The following RUNX1T1 variants were observed in gnomAD, a reference collection of about 807,000 sequenced individuals.
RUNX1T1 encodes the protein protein CBFA2T1.
In RUNX1T1, 4 loss-of-function variants were observed where a neutral mutation model predicts 62.8. That is an observed-to-expected ratio of 0.06 (90% CI 0.03 to 0.15). RUNX1T1 has a LOEUF of 0.15. RUNX1T1 is among the 10% of genes least tolerant of loss of function. The pLI is 1.00. For missense variants in RUNX1T1, 508 were observed against 754.3 expected (o/e 0.67, Z 3.82); for synonymous variants, 291 against 286.0 (o/e 1.02, Z -0.18).
At chr8:92,074,706 G>C (rs1486901294) in intron 2 of RUNX1T1, among the ~76,000 whole-genome samples, 3 of 152,218 alleles carry the variant, frequency 2.0e-5, no homozygotes, top group African/African-American at 4.8e-5. Context: ...CCAATGTTTA[G>C]TAACAACAGT....
exon 9 of RUNX1T1, chr8:91,975,943 G>A (rs377029087): frequency 1.9e-5 from 31 of 1,613,262 alleles, no homozygotes; most frequent in East Asian, 6.7e-5. Context: ...GTATCCAGAC[G>A]CAGGCCTGTG....
chr8:92,091,562 C>T (rs1008439437), intron 1 of RUNX1T1, among the ~76,000 whole-genome samples: 3 of 152,170 alleles, frequency 2.0e-5, no homozygotes, highest in Non-Finnish European at 4.4e-5. Context: ...GCTTCAAAAA[C>T]AACTCTCATT....
chr8:91,984,896 C>T (rs1415143239), intron 8 of RUNX1T1, among the ~76,000 whole-genome samples: 2 of 152,078 alleles, frequency 1.3e-5, no homozygotes, highest in African/African-American at 2.4e-5. Flanking sequence ...CAGAATAATG[C>T]TTGTTAGGTA....
At chr8:92,035,987 T>C (rs1310586847) in intron 1 of RUNX1T1, among the ~76,000 whole-genome samples, 4 of 152,202 alleles carry the variant, frequency 2.6e-5, no homozygotes, top group African/African-American at 9.6e-5. Flanking sequence ...AACACATACA[T>C]AAATTTAATG....
At chr8:91,959,856 C>T in exon 11 of RUNX1T1, 1 of 279,024 alleles carries the variant, frequency 3.6e-6, no homozygotes, top group Admixed American at 4.8e-5. Flanking sequence ...AGCATTTTTG[C>T]TTTCAACAGC....
intron 1 of RUNX1T1, among the ~76,000 whole-genome samples, chr8:92,057,440 G>A (rs1290267479): frequency 6.6e-6 from 1 of 152,156 alleles, no homozygotes; most frequent in Admixed American, 6.6e-5. Context: ...AGATCACATG[G>A]TAACAGAAAC....
At chr8:92,026,148 T>C (rs1376790699) in intron 1 of RUNX1T1, among the ~76,000 whole-genome samples, 2 of 152,252 alleles carry the variant, frequency 1.3e-5, no homozygotes, top group Non-Finnish European at 2.9e-5. Flanking sequence ...TTTATTTTCT[T>C]ATTTTTCTCT....
intron 1 of RUNX1T1, among the ~76,000 whole-genome samples, chr8:92,042,198 A>G (rs1828603149): frequency 6.6e-6 from 1 of 152,210 alleles, no homozygotes; most frequent in South Asian, 2.1e-4. Context: ...CCTGCTGCCT[A>G]TGATATCATG....
intron 1 of RUNX1T1, among the ~76,000 whole-genome samples, chr8:92,033,567 T>C (rs1826665507): frequency 6.6e-6 from 1 of 152,290 alleles, no homozygotes; most frequent in Admixed American, 6.5e-5. Flanking sequence ...GGCTGATCAC[T>C]TGAGCCCAGG....
intron 1 of RUNX1T1, among the ~76,000 whole-genome samples, chr8:92,088,352 T>C (rs1030527493): frequency 6.6e-6 from 1 of 152,216 alleles, no homozygotes; most frequent in Admixed American, 6.5e-5. Flanking sequence ...TGTCTTACAG[T>C]TCACATGCCC....
intron 1 of RUNX1T1, among the ~76,000 whole-genome samples, chr8:92,076,546 C>A (rs140414384): frequency 6.6e-6 from 1 of 152,176 alleles, no homozygotes; most frequent in African/African-American, 2.4e-5. Context: ...ATTTTACACA[C>A]AAGTTAATCC....
intron 1 of RUNX1T1, among the ~76,000 whole-genome samples, chr8:92,019,379 T>C (rs1041876379): frequency 4.0e-5 from 6 of 151,892 alleles, no homozygotes; most frequent in Admixed American, 6.6e-5. Context: ...TACACAGATT[T>C]GAAGCACGTG....
intron 1 of RUNX1T1, among the ~76,000 whole-genome samples, chr8:92,037,468 A>G (rs1265568770): frequency 1.3e-5 from 2 of 152,178 alleles, no homozygotes; most frequent in African/African-American, 2.4e-5. Flanking sequence ...ACTTGAGGCC[A>G]GGAGTTCAAG....
chr8:92,035,358 G>A (rs946425145), intron 1 of RUNX1T1, among the ~76,000 whole-genome samples: 1 of 150,352 alleles, frequency 6.7e-6, no homozygotes, highest in Non-Finnish European at 1.5e-5. Context: ...AAAAGTGGGA[G>A]GGTGGGAGGG....
intron 1 of RUNX1T1, among the ~76,000 whole-genome samples, chr8:92,080,880 A>G (rs1835142242): frequency 6.6e-6 from 1 of 152,264 alleles, no homozygotes; most frequent in Admixed American, 6.5e-5. Context: ...AATTAATCAG[A>G]AGGTAGGCAA....
chr8:92,079,824 T>A (rs79859289), intron 1 of RUNX1T1, among the ~76,000 whole-genome samples: 1,745 of 152,184 alleles, frequency 0.011, 29 homozygotes, highest in African/African-American at 0.04. Context: ...ATGGAACACT[T>A]CCTCTCATGC....
intron 2 of RUNX1T1, 130 bp downstream of exon 3, chr8:92,017,093 AATG>A (rs1823162230): frequency 1.5e-6 from 1 of 675,086 alleles, no homozygotes; most frequent in Admixed American, 2.8e-5. Context: ...CTGGCAAACA[AATG>A]ATTTTTTTTG....
chr8:92,018,225 A>G (rs1294351487), intron 1 of RUNX1T1, among the ~76,000 whole-genome samples: 2 of 152,190 alleles, frequency 1.3e-5, no homozygotes, highest in Admixed American at 6.5e-5. Flanking sequence ...GTTTTTCTCA[A>G]TCTAATCTAC....
chr8:91,956,835 AT>A (rs1246732578), downstream of RUNX1T1: 3 of 216,350 alleles, frequency 1.4e-5, no homozygotes, highest in East Asian at 6.8e-5. Context: ...ACAGTCTCCA[AT>A]TTTTTTTCTG....
Sources: allele counts gnomAD v4.1 joint callset (sites outside exome capture counted in the v4.1 genomes callset), GRCh38; gene constraint gnomAD v4.1.1; transcripts MANE v1.5; gene names NCBI Gene and HGNC (gene_info 2026-07-23, HGNC 2026-07-21).